GYPB: variants seen among roughly 807,000 people sequenced by gnomAD.
The protein encoded by GYPB is glycophorin B (MNS blood group).
GYPB carries 13 observed loss-of-function variants against 15.3 expected under a neutral mutation model. The ratio of observed to expected loss-of-function variants is 0.85; its 90% CI spans 0.55 to 1.35. The LOEUF is 1.35. Among genes scored for constraint, GYPB ranks in the 40% most tolerant of loss-of-function variants. The pLI is 0.00. For synonymous variants in GYPB, 38 were observed against 36.9 expected (o/e 1.03, Z -0.11); for missense variants, 131 against 108.3 (o/e 1.21, Z -0.93).
Position 143,999,098 on chromosome 4 carries a change from A to G in GYPB, c.175+313T>C, listed in dbSNP as rs920212153. On this transcript the variant is annotated intron_variant, in intron 3 of 4. Coordinates refer to ENST00000502664, the MANE Select transcript of GYPB (RefSeq NM_002100.6). ...TAATTTTTGTATTTTTTGTAGAGAT[A>G]GATTTTGCCATATTGCCCAGGCTGT... Among the ~76,000 whole-genome samples the G allele has an allele frequency of 2.6e-5, 4 of 151,208 alleles. 1 individual carries two copies. The highest frequency in any genetic ancestry group is 7.4e-5 in the African/African-American group (3 of 40,548).
chr4:143,998,826 G>A (rs1727457595), intron 3 of GYPB, among the ~76,000 whole-genome samples: 1 of 145,860 alleles, frequency 6.9e-6, no homozygotes, highest in Admixed American at 6.9e-5. Flanking sequence ...TGGTTAGAAA[G>A]GTAAAACATC....
chr4:144,003,309 A>C (rs574663701), intron 1 of GYPB, among the ~76,000 whole-genome samples: 7 of 150,836 alleles, frequency 4.6e-5, no homozygotes, highest in African/African-American at 1.5e-4. Flanking sequence ...GAAAAAAAAC[A>C]TGCGGGAGCT....
Position 143,996,279 on chromosome 4 carries a change from G to A in GYPB, c.*20C>T. The A allele has an allele frequency of 1.3e-6, 2 of 1,550,784 alleles. No individual in the cohort carries two copies. The highest frequency in any genetic ancestry group is 1.7e-6 in the Non-Finnish European group (2 of 1,147,156). The stretch of plus-strand genomic sequence containing the variant: ...TGCAGCCGGTTCTAGGCAAGATCAG[G>A]CAGCATGCAGGCCACATCCTCATGC... On this transcript the variant is annotated 3_prime_UTR_variant, in exon 5 of 5. Transcript: ENST00000502664.
intron 1 of GYPB, among the ~76,000 whole-genome samples, chr4:144,009,253 G>A (rs1728087695): frequency 6.6e-6 from 1 of 151,266 alleles, no homozygotes; most frequent in African/African-American, 2.5e-5. Context: ...TCTCCACCTG[G>A]CAGCTTCAGA....
chr4:144,005,373 C>T (rs1441050087), intron 1 of GYPB, among the ~76,000 whole-genome samples: 1 of 151,956 alleles, frequency 6.6e-6, no homozygotes, highest in Non-Finnish European at 1.5e-5. Context: ...AGTCAGCAAG[C>T]ATTGGGGCAT....
At chr4:144,007,806 GT>G (rs1270156652) in intron 1 of GYPB, among the ~76,000 whole-genome samples, 2 of 151,524 alleles carry the variant, frequency 1.3e-5, no homozygotes, top group East Asian at 3.9e-4. Context: ...TTTAAAAAAA[GT>G]TTTGCTTTTT....
At chr4:144,001,955 C>T (rs1175505142) in intron 1 of GYPB, among the ~76,000 whole-genome samples, 3 of 104,304 alleles carry the variant, frequency 2.9e-5, no homozygotes, top group African/African-American at 3.7e-5. Flanking sequence ...GGCGACAGAA[C>T]GAGATTCCGT....
intron 1 of GYPB, among the ~76,000 whole-genome samples, chr4:144,011,685 C>T (rs1346838741): frequency 6.6e-6 from 1 of 151,286 alleles, no homozygotes; most frequent in Admixed American, 6.6e-5. Flanking sequence ...TGAAATATAT[C>T]TGCTTGCAAT....
Position 144,002,707 on chromosome 4 carries a change from C to T in GYPB, c.38-1424G>A, listed in dbSNP as rs1353484666. The T allele has an allele frequency of 3.9e-6, 5 of 1,286,178 alleles. No homozygotes were observed. The African/African-American group carries it at 7.8e-5, about 20-fold the overall frequency. 79.7% of individuals were successfully genotyped at this position (1,286,178 alleles called of 1,614,324 possible). On this transcript the variant is annotated intron_variant, in intron 1 of 4. Coordinates refer to ENST00000502664, the MANE Select transcript of GYPB (RefSeq NM_002100.6). ...TGCTCAAAGTTTCCTGGAGAGCACA[C>T]AAATAACAGAAAACATCTTCTCTGA...
At chr4:144,009,388 T>A (rs902944689) in intron 1 of GYPB, among the ~76,000 whole-genome samples, 1 of 150,950 alleles carries the variant, frequency 6.6e-6, no homozygotes, top group Non-Finnish European at 1.5e-5. Flanking sequence ...GAGTAACTAC[T>A]TTAGGATTTG....
chr4:143,999,508 T>C (rs2149956554), intron 2 of GYPB, 59 bp from the exon 3 acceptor site: 1 of 914,998 alleles, frequency 1.1e-6, no homozygotes, highest in Non-Finnish European at 1.8e-6. Flanking sequence ...AAGAAAAAAA[T>C]CATTTTGGAA....
chr4:144,001,210 C>G lies in GYPB; in HGVS notation c.111G>C (p.Lys37Asn). Residue 37 changes from lysine (K) to asparagine (N), a missense_variant, in exon 2 of 5, where the codon AAG becomes AAC. Physicochemically the swap from Lys to Asn is moderately conservative, Grantham distance 94. Coordinates refer to ENST00000502664, the MANE Select transcript of GYPB (RefSeq NM_002100.6). Reference sequence around the variant, plus strand: ...CATTTGTCTGTGATGAGATGTAACTCTTTGTGACTGAAGAAGAGGTTGAAG... The same window carrying G: ...CATTTGTCTGTGATGAGATGTAACTGTTTGTGACTGAAGAAGAGGTTGAAG... ...MHTSTSSSVTKSYISSQTNGE... is the reference protein window; with the variant it reads ...MHTSTSSSVTNSYISSQTNGE... The G allele has an allele frequency of 1.9e-6, 3 of 1,612,850 alleles. No individual in the cohort carries two copies. Among genetic ancestry groups the G allele is most frequent in the Non-Finnish European group, 2.5e-6 (3 of 1,179,804 alleles).
intron 1 of GYPB, among the ~76,000 whole-genome samples, chr4:144,015,606 G>A (rs1728445483): frequency 6.6e-6 from 1 of 151,428 alleles, no homozygotes; most frequent in African/African-American, 2.5e-5. Flanking sequence ...TCACAAGAAT[G>A]TGAAGCTAAA....
At chr4:144,006,613 T>C (rs1727926598) in intron 1 of GYPB, among the ~76,000 whole-genome samples, 1 of 152,006 alleles carries the variant, frequency 6.6e-6, no homozygotes, top group Admixed American at 6.5e-5. Flanking sequence ...CTCATCAAGA[T>C]GTGATAAGCT....
chr4:144,012,471 C>A (rs564875458), intron 1 of GYPB: 1 of 151,462 alleles, frequency 6.6e-6, no homozygotes, highest in Non-Finnish European at 1.5e-5. Context: ...GAATGGAAAA[C>A]CTAATCCTAA....
chr4:143,996,771 C>CA (rs1040876179), intron 4 of GYPB, among the ~76,000 whole-genome samples: 32 of 83,140 alleles, frequency 3.8e-4, no homozygotes, highest in South Asian at 2.3e-3. Context: ...AACTCTGTCT[C>CA]AAAAAAAAAT....
intron 1 of GYPB, among the ~76,000 whole-genome samples, chr4:144,007,586 A>T (rs1422498853): frequency 6.6e-6 from 1 of 151,540 alleles, no homozygotes; most frequent in African/African-American, 2.4e-5. Flanking sequence ...TCAGTCTGTC[A>T]TTCCAGCCAG....
rs1331427908 is a variant in GYPB at position 143,996,159 on chromosome 4, A to G, written c.*140T>C. The G allele has an allele frequency of 6.6e-7, 1 of 1,516,702 alleles. No homozygotes were observed. The highest frequency in any genetic ancestry group is 1.4e-5 in the African/African-American group (1 of 70,120). 94.0% of individuals were successfully genotyped at this position (1,516,702 alleles called of 1,614,324 possible). A position where few individuals can be genotyped will look rare whatever the true frequency, so the allele number is the denominator to read the frequency against. ...AGAAGTAGAGAATACAGTAATAGTGAGGCAGGAGAACAGGGAATTAGGATA... is the reference window on the plus strand; with the variant it reads ...AGAAGTAGAGAATACAGTAATAGTGGGGCAGGAGAACAGGGAATTAGGATA... On this transcript the variant is annotated 3_prime_UTR_variant, in exon 5 of 5. Transcript: ENST00000502664.
chr4:143,999,235 T>G, intron 3 of GYPB, 176 bp downstream of exon 3: 1 of 536,180 alleles, frequency 1.9e-6, no homozygotes, highest in Non-Finnish European at 3.3e-6. Context: ...AAATAAGAAA[T>G]GCCTATTTTA....
Sources: allele counts gnomAD v4.1 joint callset (sites outside exome capture counted in the v4.1 genomes callset), GRCh38; gene constraint gnomAD v4.1.1; transcripts MANE v1.5; gene names NCBI Gene and HGNC (gene_info 2026-07-23, HGNC 2026-07-21).